Variants in ZNF568 observed in about 807,000 individuals in gnomAD.
The protein encoded by ZNF568 is p53 inhibitor of SCO2 activation.
Under a neutral mutation model 18.1 loss-of-function variants are expected in ZNF568, and 11 were observed. The ratio of observed to expected loss-of-function variants is 0.61; its 90% CI spans 0.38 to 1.00. The LOEUF (loss-of-function observed/expected upper bound fraction) is 1.00, where lower values mean the gene tolerates loss of function less well. Among genes scored for constraint, ZNF568 ranks in the 50% least tolerant of loss-of-function variants. The pLI is 0.01. For missense variants in ZNF568, 639 were observed against 768.2 expected (o/e 0.83, Z 1.99); for synonymous variants, 213 against 246.6 (o/e 0.86, Z 1.28).
At chr19:36,929,222 AATTAT>A (rs1458171612) in intron 4 of ZNF568, among the ~76,000 whole-genome samples, 1 of 152,152 alleles carries the variant, frequency 6.6e-6, no homozygotes, top group Non-Finnish European at 1.5e-5. Context: ...TATTTTAAAC[AATTAT>A]ATTCTATTAT....
downstream of ZNF568, among the ~76,000 whole-genome samples, chr19:36,957,395 C>G (rs1007582023): frequency 6.6e-6 from 1 of 151,990 alleles, no homozygotes; most frequent in African/African-American, 2.4e-5. Flanking sequence ...CCATGGCTGG[C>G]TAACTTTTGT....
intron 7 of ZNF568, among the ~76,000 whole-genome samples, chr19:36,977,385 G>T (rs1470908263): frequency 6.8e-6 from 1 of 147,658 alleles, no homozygotes; most frequent in Non-Finnish European, 1.5e-5. Flanking sequence ...CATGGTATTT[G>T]TAGGATGTGA....
chr19:36,991,804 C>G, exon 4 of ZNF568: 1 of 1,581,132 alleles, frequency 6.3e-7, no homozygotes, highest in Non-Finnish European at 8.5e-7. Context: ...GAAGAAAGAG[C>G]CCTGGATGGT....
chr19:36,996,187 C>CT (rs149957924), intron 4 of ZNF568: 972 of 771,980 alleles, frequency 1.3e-3, no homozygotes, highest in Middle Eastern at 1.9e-3. Flanking sequence ...TTTCACTTCC[C>CT]TTTTTTTTTG....
chr19:36,960,407 T>C (rs1343258647), intron 6 of ZNF568, among the ~76,000 whole-genome samples: 3 of 152,168 alleles, frequency 2.0e-5, no homozygotes, highest in African/African-American at 7.2e-5. Context: ...TACGAGCCAC[T>C]GTGCCCAGCT....
At chr19:36,980,659 T>C (rs931361879), downstream of ZNF568, among the ~76,000 whole-genome samples, 1 of 152,220 alleles carries the variant, frequency 6.6e-6, no homozygotes, top group South Asian at 2.1e-4. Context: ...AGGGAAAGGA[T>C]ACATTGGGTT....
rs1181637880 is a variant in ZNF568 at position 36,927,876 on chromosome 19, ATATATATATAT to A, written c.135+2630_135+2640del. Reference sequence around the variant, plus strand: ...TGTGTGTGTGTATATATATATATATATATATATATATTATATATATATATATATTTTTTTTT... The same window carrying A: ...TGTGTGTGTGTATATATATATATATATATATATATATATATATTTTTTTTT... On this transcript the variant is annotated intron_variant, in intron 4 of 6. Coordinates refer to ENST00000333987, the MANE Select transcript of ZNF568 (RefSeq NM_198539.4). Among the ~76,000 whole-genome samples, 81 of 56,564 alleles carry A rather than the reference ATATATATATAT, an allele frequency of 1.4e-3. 1 individual carries two copies. The highest frequency in any genetic ancestry group is 6.6e-3 in the African/African-American group (57 of 8,600). The allele number at this position is 56,564 out of a possible 152,430, so 37.1% of individuals were successfully genotyped here.
At chr19:36,952,794 GA>G (rs1259923715), downstream of ZNF568, 1 of 546,378 alleles carries the variant, frequency 1.8e-6, no homozygotes, top group Non-Finnish European at 2.3e-6. Flanking sequence ...CAGGCCAAGG[GA>G]AGCCTGTGCC....
intron 4 of ZNF568, among the ~76,000 whole-genome samples, chr19:36,926,406 C>G (rs1040950818): frequency 5.9e-5 from 9 of 152,048 alleles, no homozygotes; most frequent in African/African-American, 2.2e-4. Flanking sequence ...CTTCTGTTGG[C>G]GCGGTGGCCC....
chr19:36,926,668 A>C (rs976637712), intron 4 of ZNF568, among the ~76,000 whole-genome samples: 2 of 152,176 alleles, frequency 1.3e-5, no homozygotes, highest in Non-Finnish European at 2.9e-5. Flanking sequence ...CCATTGGTTG[A>C]ATCCATGGAT....
chr19:36,920,134 C>G (rs1015993986), intron 2 of ZNF568, among the ~76,000 whole-genome samples: 2 of 151,982 alleles, frequency 1.3e-5, no homozygotes, highest in African/African-American at 4.8e-5. Context: ...AAAGCCAGCA[C>G]CAATGATCCT....
chr19:36,987,312 G>T (rs2074384432), intron 2 of ZNF568, among the ~76,000 whole-genome samples: 1 of 152,188 alleles, frequency 6.6e-6, no homozygotes, highest in Non-Finnish European at 1.5e-5. Context: ...ATTGAGCCCT[G>T]CTGAGGCTGC....
chr19:36,997,545 C>G (rs1265220671), downstream of ZNF568: 1 of 1,587,152 alleles, frequency 6.3e-7, no homozygotes, highest in Non-Finnish European at 8.5e-7. Flanking sequence ...GTGAGAAACC[C>G]TACGAGTGTA....
In ZNF568 at chr19:36,950,738, C is replaced by A; in HGVS notation, c.1585C>A (p.Pro529Thr). Residue 529 changes from proline to threonine, a missense_variant, in exon 7 of 7, where the codon CCT becomes ACT. Transcript: ENST00000333987. ...TGAGAAAATTCATACTGGAGAGAAA[C>A]CTTATCATTGTAATCAATGTGGGAA... is the stretch of plus-strand genomic sequence containing the variant. ...EHEKIHTGEK[P>T]YHCNQCGKAF... 1.9e-6 allele frequency: 3 copies of A among 1,613,668 alleles called. No individual in the cohort carries two copies. The highest frequency in any genetic ancestry group is 2.5e-6 in the Non-Finnish European group (3 of 1,179,958).
intron 2 of ZNF568, among the ~76,000 whole-genome samples, chr19:36,985,742 C>T (rs752403108): frequency 1.9e-4 from 29 of 152,140 alleles, no homozygotes; most frequent in Admixed American, 7.2e-4. Context: ...AGGCTGGTCT[C>T]GAACCCCTGA....
At chr19:36,942,352 C>T (rs564922707) in intron 6 of ZNF568, among the ~76,000 whole-genome samples, 46 of 151,698 alleles carry the variant, frequency 3.0e-4, no homozygotes, top group African/African-American at 1.1e-3. Context: ...GTAATCCTAG[C>T]ACTTTGGGAG....
Position 36,952,023 on chromosome 19 carries a change from G to A in ZNF568, c.*935G>A, listed in dbSNP as rs570471118. 2.9e-4 allele frequency: 269 copies of A among 925,046 alleles called. No individual in the cohort carries two copies. The highest frequency in any genetic ancestry group is 3.1e-4 in the Non-Finnish European group (244 of 785,462). 57.3% of individuals were successfully genotyped at this position (925,046 alleles called of 1,614,324 possible). A position where few individuals can be genotyped will look rare whatever the true frequency, so the allele number is the denominator to read the frequency against. ...GAAAATAGATGATATTGTCTATGAC[G>A]TTGAGGCCAAGGAGCTTTTTTTTTT... is the stretch of plus-strand genomic sequence containing the variant. On this transcript the variant is annotated 3_prime_UTR_variant, in exon 7 of 7. Transcript: ENST00000333987.
chr19:36,942,568 C>T (rs2073899269), intron 6 of ZNF568, among the ~76,000 whole-genome samples: 1 of 132,504 alleles, frequency 7.5e-6, no homozygotes, highest in Admixed American at 8.8e-5. Context: ...CACTGCACTC[C>T]AGCCTGGGTG....
At position 36,933,289 on chromosome 19, in the gene ZNF568, C is replaced by T. The variant is rs181503998; in HGVS notation, c.136-3457C>T. On this transcript the variant is annotated intron_variant, in intron 4 of 6. Transcript: ENST00000333987. ...CATCATTTGTTGAAAAGACTATTCT[C>T]TTCCCTGGTGAAGTTTTTTATCACC... Among the ~76,000 whole-genome samples, 54 of 152,090 alleles carry T rather than the reference C, an allele frequency of 3.6e-4. 1 individual carries two copies. Among genetic ancestry groups the T allele is most frequent in the Non-Finnish European group, 1.5e-5 (1 of 67,994 alleles).
Sources: gnomAD v4.1 joint callset for allele counts (sites outside exome capture counted in the v4.1 genomes callset) on GRCh38, gnomAD v4.1.1 for gene constraint, MANE v1.5 for transcripts, NCBI Gene and HGNC (gene_info 2026-07-23, HGNC 2026-07-21) for gene names.